Variants in KCTD9 observed in about 807,000 individuals in gnomAD.
The protein encoded by KCTD9 is potassium channel tetramerization domain containing 9.
KCTD9 carries 17 observed loss-of-function variants against 53.3 expected under a neutral mutation model. That is an observed-to-expected ratio of 0.32 (90% CI 0.22 to 0.48). The LOEUF is 0.48. KCTD9 is among the 20% of genes least tolerant of loss of function. KCTD9 has a pLI of 0.99. For synonymous variants in KCTD9, 128 were observed against 162.7 expected (o/e 0.79, Z 1.62); for missense variants, 179 against 465.5 (o/e 0.38, Z 5.66).
At chr8:25,453,593 T>C (rs1586440533) in intron 1 of KCTD9, among the ~76,000 whole-genome samples, 1 of 148,786 alleles carries the variant, frequency 6.7e-6, no homozygotes, top group African/African-American at 2.5e-5. Flanking sequence ...GCGGAGGTTG[T>C]ATTGAGCCAG....
intron 1 of KCTD9, among the ~76,000 whole-genome samples, chr8:25,456,478 G>C (rs994714376): frequency 7.9e-5 from 12 of 152,130 alleles, no homozygotes; most frequent in African/African-American, 2.9e-4. Flanking sequence ...CACTGCCAAC[G>C]TCTTAGAATA....
At chr8:25,454,078 G>GA (rs1250829750) in intron 1 of KCTD9, among the ~76,000 whole-genome samples, 1 of 152,028 alleles carries the variant, frequency 6.6e-6, no homozygotes, top group Non-Finnish European at 1.5e-5. Flanking sequence ...TTAGAGATGG[G>GA]ATCTCACTAT....
chr8:25,439,201 G>A, intron 6 of KCTD9, 78 bp downstream of exon 6: 1 of 1,155,284 alleles, frequency 8.7e-7, no homozygotes, highest in Non-Finnish European at 1.2e-6. Flanking sequence ...CTGTTACTGA[G>A]TGAAACAAAG....
intron 11 of KCTD9, among the ~76,000 whole-genome samples, chr8:25,431,515 G>T (rs886437355): frequency 4.6e-5 from 7 of 152,100 alleles, no homozygotes; most frequent in Non-Finnish European, 1.0e-4. Context: ...GAGAACAAAT[G>T]TCAGCAGCTC....
chr8:25,449,140 A>G (rs1802272059), intron 1 of KCTD9, among the ~76,000 whole-genome samples: 1 of 152,226 alleles, frequency 6.6e-6, no homozygotes, highest in Non-Finnish European at 1.5e-5. Context: ...AGAAGCAAAC[A>G]TGCAAAGGAG....
intron 6 of KCTD9, among the ~76,000 whole-genome samples, chr8:25,437,847 C>CAAAAAAAAAAAAAAAAAAAAAA (rs59540797): frequency 1.6e-5 from 1 of 62,538 alleles, no homozygotes; most frequent in African/African-American, 7.1e-5. Flanking sequence ...GACCCTGTCT[C>CAAAAAAAAAAAAAAAAAAAAAA]AAAAAAAAAA....
chr8:25,453,058 A>AT (rs1467709734), intron 1 of KCTD9, among the ~76,000 whole-genome samples: 1 of 152,184 alleles, frequency 6.6e-6, no homozygotes, highest in Non-Finnish European at 1.5e-5. Context: ...CCCGAAGCTG[A>AT]TTTTTTAAAA....
chr8:25,446,053 T>TTA, intron 2 of KCTD9, 76 bp downstream of exon 2: 1 of 1,545,912 alleles, frequency 6.5e-7, no homozygotes, highest in Non-Finnish European at 8.8e-7. Context: ...GTGATTAAAT[T>TTA]ACTGCTTAAG....
At chr8:25,440,023 A>T (rs1344323502) in intron 4 of KCTD9, among the ~76,000 whole-genome samples, 3 of 148,634 alleles carry the variant, frequency 2.0e-5, no homozygotes, top group Non-Finnish European at 4.5e-5. Flanking sequence ...ATTTTTACTT[A>T]TATTGTGTGT....
intron 9 of KCTD9, among the ~76,000 whole-genome samples, chr8:25,434,407 T>C (rs928317848): frequency 6.6e-6 from 1 of 151,840 alleles, no homozygotes; most frequent in African/African-American, 2.4e-5. Context: ...TTTTAAATTA[T>C]GTTCATTTAT....
chr8:25,435,609 A>G (rs545217246), intron 8 of KCTD9, 97 bp from the exon 9 acceptor site: 2 of 1,018,654 alleles, frequency 2.0e-6, no homozygotes, highest in South Asian at 1.8e-5. Flanking sequence ...TTTAGAAGCA[A>G]TTGGCAGTTC....
chr8:25,447,166 G>C (rs2117426056), intron 1 of KCTD9, among the ~76,000 whole-genome samples: 1 of 152,266 alleles, frequency 6.6e-6, no homozygotes, highest in Non-Finnish European at 1.5e-5. Context: ...GGCTGAGACG[G>C]GCAGAGCACT....
At chr8:25,444,186 A>T in intron 3 of KCTD9, 106 bp downstream of exon 3, 1 of 928,668 alleles carries the variant, frequency 1.1e-6, no homozygotes, top group South Asian at 1.5e-5. Context: ...ATACAGCCAT[A>T]AGATCATTTT....
chr8:25,444,667 T>C (rs1802184232), intron 2 of KCTD9, among the ~76,000 whole-genome samples: 1 of 152,218 alleles, frequency 6.6e-6, no homozygotes, highest in Non-Finnish European at 1.5e-5. Context: ...CAGCCAACTA[T>C]TCTTTTTTTC....
chr8:25,432,895 G>A (rs1801955705), intron 10 of KCTD9, among the ~76,000 whole-genome samples: 1 of 152,138 alleles, frequency 6.6e-6, no homozygotes, highest in Non-Finnish European at 1.5e-5. Context: ...TATGATAAGG[G>A]AGTGAAGTAG....
chr8:25,445,400 A>G (rs912357412), intron 2 of KCTD9, among the ~76,000 whole-genome samples: 2 of 152,162 alleles, frequency 1.3e-5, no homozygotes, highest in Admixed American at 6.5e-5. Context: ...GAGACTTTGT[A>G]TATCATTATA....
rs368089197 is a variant in KCTD9, at chr8:25,439,592, C to T, written c.370+14G>A. 2.7e-5 allele frequency: 44 copies of T among 1,613,290 alleles called. No homozygotes were observed. The highest frequency in any genetic ancestry group is 1.6e-4 in the Middle Eastern group (1 of 6,080). ...CAGGTAAGATGAAATGTGAAAACAA[C>T]GTGTTACACTCACCTTTGTCCTTAA... is the stretch of plus-strand genomic sequence containing the variant. On this transcript the variant is annotated intron_variant, in intron 5 of 11. Coordinates refer to ENST00000221200, the MANE Select transcript of KCTD9 (RefSeq NM_017634.4).
intron 1 of KCTD9, chr8:25,457,821 T>TC: frequency 5.9e-6 from 1 of 168,792 alleles, no homozygotes; most frequent in East Asian, 1.7e-4. Flanking sequence ...CCGGCGCGCC[T>TC]CCTCCCGCAG....
chr8:25,450,178 C>T (rs796954019), intron 1 of KCTD9, among the ~76,000 whole-genome samples: 149 of 152,236 alleles, frequency 9.8e-4, no homozygotes, highest in African/African-American at 3.2e-3. Flanking sequence ...AACAATTTAC[C>T]GTATCACTAA....
Sources: allele counts gnomAD v4.1 joint callset (sites outside exome capture counted in the v4.1 genomes callset), GRCh38; gene constraint gnomAD v4.1.1; transcripts MANE v1.5; gene names NCBI Gene and HGNC (gene_info 2026-07-23, HGNC 2026-07-21).